Variants in LRRTM4 observed in about 807,000 individuals in gnomAD.
LRRTM4 encodes the protein leucine rich repeat transmembrane neuronal 4.
LRRTM4 carries 25 observed loss-of-function variants against 47.6 expected under a neutral mutation model. The observed-to-expected ratio is 0.53, with a 90% CI of 0.38 to 0.73. LRRTM4 has a LOEUF of 0.73. Among genes scored for constraint, LRRTM4 ranks in the 30% least tolerant of loss-of-function variants. The probability of loss-of-function intolerance (pLI) is 0.00; values close to 1 mark genes in which losing one functional copy is unlikely to be tolerated. For missense variants in LRRTM4, 638 were observed against 713.4 expected, an observed-to-expected ratio of 0.89 and a Z score of 1.20; for synonymous variants, 311 against 269.5, an observed-to-expected ratio of 1.15 and a Z score of -1.51.
rs374936321 is a variant in LRRTM4 at position 77,519,088 on chromosome 2, A to C, written c.781T>G (p.Ser261Ala). The C allele has an allele frequency of 6.2e-7, 1 of 1,612,830 alleles. No individual in the cohort carries two copies. Among genetic ancestry groups the C allele is most frequent in the African/African-American group, 1.3e-5 (1 of 74,866 alleles). The change falls in exon 3 of 4, where the codon TCA becomes GCA. Residue 261 changes from serine (S) to alanine (A), a missense_variant. Transcript: ENST00000409884. The surrounding 1 kb of genome is among the most constrained non-coding windows in gnomAD (Gnocchi z 4.6). ...TWSSLHNLDL[S>A]GNDIQGIEPG... ...TCAATTCCTTGGATGTCATTCCCTGATAAATCCAAGTTGTGTAAGGAACTC... is the reference window on the plus strand; with the variant it reads ...TCAATTCCTTGGATGTCATTCCCTGCTAAATCCAAGTTGTGTAAGGAACTC...
intron 3 of LRRTM4, among the ~76,000 whole-genome samples, chr2:77,330,024 C>G (rs1257331393): frequency 6.6e-6 from 1 of 151,866 alleles, no homozygotes; most frequent in Admixed American, 6.6e-5. Flanking sequence ...AGAGAGGAGG[C>G]AAAGGACCAT....
At chr2:77,298,682 T>A (rs1677041398) in intron 3 of LRRTM4, among the ~76,000 whole-genome samples, 2 of 152,188 alleles carry the variant, frequency 1.3e-5, no homozygotes, top group South Asian at 4.1e-4. Context: ...ACCAAAATCA[T>A]GAACTAGCAA....
At chr2:77,066,054 G>A (rs1473945045) in intron 3 of LRRTM4, among the ~76,000 whole-genome samples, 3 of 147,498 alleles carry the variant, frequency 2.0e-5, no homozygotes, top group Admixed American at 6.7e-5. Flanking sequence ...GCTTCTCAGA[G>A]AAGAATAAAA....
At chr2:77,259,451 G>T (rs1282592430) in intron 3 of LRRTM4, among the ~76,000 whole-genome samples, 1 of 151,960 alleles carries the variant, frequency 6.6e-6, no homozygotes, top group African/African-American at 2.4e-5. Context: ...CAGCATTTTT[G>T]AGGGCTATCT....
At chr2:77,499,344 T>C (rs371655405) in intron 3 of LRRTM4, among the ~76,000 whole-genome samples, 2 of 151,992 alleles carry the variant, frequency 1.3e-5, no homozygotes, top group South Asian at 2.1e-4. Flanking sequence ...CAGAAATGTG[T>C]CAATGGGAAG....
chr2:77,144,601 A>G (rs568198881), intron 3 of LRRTM4, among the ~76,000 whole-genome samples: 10 of 152,202 alleles, frequency 6.6e-5, no homozygotes, highest in Non-Finnish European at 1.5e-4. Context: ...ATGGAGGCTA[A>G]AGGACCTCTG....
intron 3 of LRRTM4, among the ~76,000 whole-genome samples, chr2:76,954,074 G>A (rs75311263): frequency 0.038 from 5,718 of 151,946 alleles, 244 homozygotes; most frequent in East Asian, 0.14. Context: ...AGCCAGGCAG[G>A]CTGGGGGTGG....
intron 3 of LRRTM4, among the ~76,000 whole-genome samples, chr2:77,197,952 T>C (rs915815173): frequency 6.6e-6 from 1 of 152,228 alleles, no homozygotes; most frequent in Non-Finnish European, 1.5e-5. Flanking sequence ...TTTAGTTTTC[T>C]TTTTCCTGCT....
chr2:77,510,008 T>A (rs1573510063), intron 3 of LRRTM4, among the ~76,000 whole-genome samples: 1 of 152,124 alleles, frequency 6.6e-6, no homozygotes, highest in Admixed American at 6.6e-5. Context: ...GAAGAAAATA[T>A]CATTTTTTCA....
At chr2:76,814,804 CAT>C (rs1670851958) in intron 3 of LRRTM4, among the ~76,000 whole-genome samples, 2 of 46,656 alleles carry the variant, frequency 4.3e-5, no homozygotes, top group African/African-American at 1.3e-4. Context: ...TACACACACA[CAT>C]ACACACACAC....
In LRRTM4 at chr2:77,207,040, G is replaced by A. The variant is rs183029737; in HGVS notation, c.1551+311278C>T. Among the ~76,000 whole-genome samples, 165 of 151,090 alleles carry A rather than the reference G, an allele frequency of 1.1e-3. 1 individual carries two copies. Among genetic ancestry groups the A allele is most frequent in the African/African-American group, 3.2e-3 (132 of 41,182 alleles). ...TTATTCATGGATAATTTCATACAATGTCTCTTCAGAGCCTGAAACATTCCC... is the reference window on the plus strand; with the variant it reads ...TTATTCATGGATAATTTCATACAATATCTCTTCAGAGCCTGAAACATTCCC... On this transcript the variant is annotated intron_variant, in intron 3 of 3. Transcript: ENST00000409884.
At chr2:76,944,748 G>A (rs146477739) in intron 3 of LRRTM4, among the ~76,000 whole-genome samples, 4 of 152,142 alleles carry the variant, frequency 2.6e-5, no homozygotes, top group African/African-American at 9.6e-5. Flanking sequence ...GGGAAATTGA[G>A]AAGTGTCCTT....
chr2:77,478,522 TAAGGA>T (rs1005227003), intron 3 of LRRTM4, among the ~76,000 whole-genome samples: 1 of 152,230 alleles, frequency 6.6e-6, no homozygotes, highest in Admixed American at 6.5e-5. Context: ...CTGAGTTCCT[TAAGGA>T]AAGAAATATT....
At chr2:77,179,592 A>G (rs536686356) in intron 3 of LRRTM4, among the ~76,000 whole-genome samples, 1 of 152,136 alleles carries the variant, frequency 6.6e-6, no homozygotes, top group Non-Finnish European at 1.5e-5. Context: ...TAGGGGTTTA[A>G]TGTTCGATTT....
At chr2:77,171,747 A>G (rs796497449) in intron 3 of LRRTM4, among the ~76,000 whole-genome samples, 52 of 152,170 alleles carry the variant, frequency 3.4e-4, no homozygotes, top group African/African-American at 1.0e-3. Context: ...TAGTATTTCA[A>G]GGCAACTGTA....
chr2:77,317,583 T>G (rs1223752293), intron 3 of LRRTM4, among the ~76,000 whole-genome samples: 2 of 152,222 alleles, frequency 1.3e-5, no homozygotes, highest in African/African-American at 4.8e-5. Flanking sequence ...TTCCCCCATG[T>G]GCCTTTTCTT....
intron 3 of LRRTM4, among the ~76,000 whole-genome samples, chr2:76,890,642 A>C (rs1202862947): frequency 6.6e-6 from 1 of 152,044 alleles, no homozygotes; most frequent in South Asian, 2.1e-4. Context: ...AAACTGCATA[A>C]ACAGTAAATA....
intron 3 of LRRTM4, among the ~76,000 whole-genome samples, chr2:77,513,385 TG>T (rs1256159838): frequency 1.3e-5 from 2 of 152,158 alleles, no homozygotes; most frequent in Non-Finnish European, 2.9e-5. Flanking sequence ...AATTGCTTTG[TG>T]TTGGGAAACA....
chr2:76,763,348 C>T (rs1418702735), intron 3 of LRRTM4, among the ~76,000 whole-genome samples: 1 of 152,164 alleles, frequency 6.6e-6, no homozygotes, highest in African/African-American at 2.4e-5. Context: ...TAAATGAGGT[C>T]ACAAGGTGGG....
Sources: gnomAD v4.1 joint callset for allele counts (sites outside exome capture counted in the v4.1 genomes callset) on GRCh38, gnomAD v4.1.1 for gene constraint, Gnocchi (gnomAD v3.1) non-coding constraint, MANE v1.5 for transcripts, NCBI Gene and HGNC (gene_info 2026-07-23, HGNC 2026-07-21) for gene names.